Variants in RELL1 observed in about 807,000 individuals in gnomAD.
RELL1 encodes RELT like 1, also known as RELT-like protein 1.
RELL1 carries 10 observed loss-of-function variants against 23.0 expected under a neutral mutation model. That is an observed-to-expected ratio of 0.43 (90% CI 0.27 to 0.74). The LOEUF (loss-of-function observed/expected upper bound fraction) is 0.74, where lower values mean the gene tolerates loss of function less well. Among genes scored for constraint, RELL1 ranks in the 30% least tolerant of loss-of-function variants. The pLI is 0.19. For missense variants in RELL1, 315 were observed against 364.4 expected (o/e 0.86, Z 1.10); for synonymous variants, 146 against 146.8 (o/e 0.99, Z 0.04).
chr4:37,611,491 A>G lies in RELL1; in HGVS notation c.*1855T>C, dbSNP rs1043921583. ...AATAAAATCATTGAAGTCTATGTAC[A>G]GTAAATACTTTGAAGTATATTTTTA... On this transcript the variant is annotated 3_prime_UTR_variant, in exon 7 of 7. Coordinates refer to ENST00000454158, the MANE Select transcript of RELL1 (RefSeq NM_001085400.2). Among the ~76,000 whole-genome samples the G allele has an allele frequency of 1.3e-4, 20 of 152,344 alleles. No individual in the cohort carries two copies. The highest frequency in any genetic ancestry group is 7.2e-4 in the Admixed American group (11 of 15,304).
At chr4:37,671,491 A>C (rs1299103694) in intron 1 of RELL1, among the ~76,000 whole-genome samples, 1 of 152,230 alleles carries the variant, frequency 6.6e-6, no homozygotes, top group Non-Finnish European at 1.5e-5. Flanking sequence ...CTTACTGCTC[A>C]TTATATGCTA....
At chr4:37,683,061 G>T (rs1364684429) in intron 1 of RELL1, among the ~76,000 whole-genome samples, 1 of 152,204 alleles carries the variant, frequency 6.6e-6, no homozygotes, top group Non-Finnish European at 1.5e-5. Flanking sequence ...TACTAGGAAG[G>T]AAGTGAAAAA....
chr4:37,615,879 A>G (rs1719558062), intron 6 of RELL1, among the ~76,000 whole-genome samples: 1 of 152,208 alleles, frequency 6.6e-6, no homozygotes, highest in South Asian at 2.1e-4. Flanking sequence ...AGATAAAGCC[A>G]TAATCCTCTC....
chr4:37,609,246 A>C (rs1719306053), downstream of RELL1, among the ~76,000 whole-genome samples: 1 of 152,216 alleles, frequency 6.6e-6, no homozygotes, highest in Non-Finnish European at 1.5e-5. Flanking sequence ...AATTATGCTA[A>C]ATCGACTCTG....
intron 4 of RELL1, 92 bp downstream of exon 4, chr4:37,638,355 C>A: frequency 7.1e-6 from 7 of 989,040 alleles, no homozygotes; most frequent in Non-Finnish European, 1.1e-5. Context: ...AGCTGGGAAA[C>A]CTGCTCTAGC....
chr4:37,586,487 T>G (rs1718346001), downstream of RELL1, among the ~76,000 whole-genome samples: 1 of 152,310 alleles, frequency 6.6e-6, no homozygotes. Flanking sequence ...GGGACTCTTC[T>G]ACATTCCATG....
chr4:37,591,199 T>C (rs1325667471), exon 7 of RELL1: 2 of 520,090 alleles, frequency 3.8e-6, no homozygotes, highest in African/African-American at 1.9e-5. Flanking sequence ...TCTGTGTAGA[T>C]GAGCTGTCAT....
chr4:37,603,472 A>G (rs1719070663), intron 6 of RELL1, among the ~76,000 whole-genome samples: 2 of 152,328 alleles, frequency 1.3e-5, no homozygotes, highest in South Asian at 4.1e-4. Context: ...CTGGCAAGTC[A>G]AACCTCAGAT....
chr4:37,686,055 G>A (rs1414699952), intron 1 of RELL1, 145 bp downstream of exon 1: 19 of 691,214 alleles, frequency 2.7e-5, no homozygotes, highest in Non-Finnish European at 9.3e-6. Context: ...GACCGCCGCG[G>A]GACAGCCAGT....
intron 5 of RELL1, among the ~76,000 whole-genome samples, chr4:37,633,247 A>G (rs758968866): frequency 2.0e-5 from 3 of 151,904 alleles, no homozygotes; most frequent in Non-Finnish European, 2.9e-5. Flanking sequence ...CGTCTCTCCT[A>G]AAAATACAAA....
intron 1 of RELL1, among the ~76,000 whole-genome samples, chr4:37,654,326 C>G (rs960102061): frequency 2.6e-5 from 4 of 152,202 alleles, no homozygotes; most frequent in Admixed American, 2.0e-4. Context: ...CTGGACGGCC[C>G]AGATAATGAA....
rs1057451517 is a variant in RELL1 at position 37,612,493 on chromosome 4, G to A, written c.*853C>T. 2.6e-5 allele frequency among the ~76,000 whole-genome samples: 4 copies of A among 151,540 alleles called. No individual in the cohort carries two copies. The highest frequency in any genetic ancestry group is 5.9e-5 in the Non-Finnish European group (4 of 67,886). On this transcript the variant is annotated 3_prime_UTR_variant, in exon 7 of 7. Coordinates refer to ENST00000454158, the MANE Select transcript of RELL1 (RefSeq NM_001085400.2). ...TCTACTAAAAATACAAAAATTAGTC[G>A]AGCGTGGTGGTGCATGCCTGTAATC...
intron 6 of RELL1, among the ~76,000 whole-genome samples, chr4:37,619,980 T>C (rs1400536727): frequency 2.6e-5 from 4 of 152,222 alleles, no homozygotes; most frequent in Non-Finnish European, 5.9e-5. Context: ...TTGGGCATTT[T>C]TTATGTTTAT....
At chr4:37,680,499 G>T (rs1326529550) in intron 1 of RELL1, among the ~76,000 whole-genome samples, 1 of 152,174 alleles carries the variant, frequency 6.6e-6, no homozygotes, top group African/African-American at 2.4e-5. Flanking sequence ...TCCATATAGT[G>T]GAACAGTAGG....
In RELL1 at chr4:37,676,939, C is replaced by T. The variant is rs1323535388; in HGVS notation, c.88+9261G>A. Among the ~76,000 whole-genome samples the T allele has an allele frequency of 3.3e-5, 5 of 152,170 alleles. No individual in the cohort carries two copies. The East Asian group carries it at 5.8e-4, about 18-fold the overall frequency. On this transcript the variant is annotated intron_variant, in intron 1 of 6. Transcript: ENST00000454158. ...AACAAGACATACACGTAGTCCCTCCCTCACCAAACCTAAAGGTCTGCTCAT... is the reference window on the plus strand; with the variant it reads ...AACAAGACATACACGTAGTCCCTCCTTCACCAAACCTAAAGGTCTGCTCAT...
chr4:37,619,216 T>C (rs1719685030), intron 6 of RELL1, among the ~76,000 whole-genome samples: 1 of 144,362 alleles, frequency 6.9e-6, no homozygotes, highest in African/African-American at 2.6e-5. Flanking sequence ...GGAGCCTCGC[T>C]CTGTCACCCG....
Position 37,660,767 on chromosome 4 carries a change from C to T in RELL1, c.89-11267G>A, listed in dbSNP as rs184133854. On this transcript the variant is annotated intron_variant, in intron 1 of 6. Coordinates refer to ENST00000454158, the MANE Select transcript of RELL1 (RefSeq NM_001085400.2). ...TGTTAAGAGGCCGGGCGCGGTGGCT[C>T]ACGCCTGTAATCCCAGCACTTTGGG... Among the ~76,000 whole-genome samples the T allele has an allele frequency of 2.2e-3, 333 of 152,292 alleles. 2 individuals are homozygous for T. The highest frequency in any genetic ancestry group is 3.5e-3 in the South Asian group (17 of 4,832).
intron 6 of RELL1, among the ~76,000 whole-genome samples, chr4:37,624,604 A>AT (rs959157827): frequency 6.7e-6 from 1 of 148,802 alleles, no homozygotes; most frequent in Non-Finnish European, 1.5e-5. Context: ...TTTTTTTTGT[A>AT]TTTTTTAGTA....
chr4:37,650,502 C>G (rs1049071582), intron 1 of RELL1, among the ~76,000 whole-genome samples: 8 of 152,006 alleles, frequency 5.3e-5, no homozygotes, highest in African/African-American at 1.5e-4. Context: ...CAAGTATACA[C>G]GGGCAGATCG....
Sources: gnomAD v4.1 joint callset for allele counts (sites outside exome capture counted in the v4.1 genomes callset) on GRCh38, gnomAD v4.1.1 for gene constraint, MANE v1.5 for transcripts, NCBI Gene and HGNC (gene_info 2026-07-23, HGNC 2026-07-21) for gene names.